The following ATP6V0A2 variants were observed in gnomAD, a reference collection of about 807,000 sequenced individuals.
The protein encoded by ATP6V0A2 is ATPase H+ transporting V0 subunit a2.
ATP6V0A2 carries 58 observed loss-of-function variants against 104.4 expected under a neutral mutation model. That is an observed-to-expected ratio of 0.56 (90% CI 0.45 to 0.69). The LOEUF (loss-of-function observed/expected upper bound fraction) is 0.69, where lower values mean the gene tolerates loss of function less well. ATP6V0A2 is among the 30% of genes least tolerant of loss of function. The pLI, the probability that ATP6V0A2 is intolerant of heterozygous loss-of-function variation, is 0.00. For synonymous variants in ATP6V0A2, 376 were observed against 397.9 expected (o/e 0.95, Z 0.65); for missense variants, 938 against 1,062.9 (o/e 0.88, Z 1.63).
At position 123,755,603 on chromosome 12, in the gene ATP6V0A2, C is replaced by CTCTG. The variant is rs1281210256; in HGVS notation, c.2293+1067_2293+1070dup. On this transcript the variant is annotated intron_variant, in intron 18 of 19. Coordinates refer to ENST00000330342, the MANE Select transcript of ATP6V0A2 (RefSeq NM_012463.4). Reference sequence around the variant, plus strand: ...TGGCAAGTATTAGGAAAGATGCTTGCTCTGCATCAGGTCACCCAGCTTGCC... The same window carrying CTCTG: ...TGGCAAGTATTAGGAAAGATGCTTGCTCTGTCTGCATCAGGTCACCCAGCTTGCC... Among the ~76,000 whole-genome samples the CTCTG allele has an allele frequency of 3.4e-5, 5 of 149,220 alleles. No homozygotes were observed. The East Asian group carries it at 9.8e-4, about 29-fold the overall frequency.
At chr12:123,754,009 A>T in intron 17 of ATP6V0A2, 1 of 229,862 alleles carries the variant, frequency 4.4e-6, no homozygotes, top group Non-Finnish European at 8.5e-6. Flanking sequence ...TAGAATGCTC[A>T]CATCTAGTGA....
intron 17 of ATP6V0A2, 108 bp downstream of exon 17, chr12:123,752,510 T>C: frequency 7.2e-7 from 1 of 1,386,816 alleles, no homozygotes; most frequent in Non-Finnish European, 1.0e-6. Context: ...GTTAAGAAAA[T>C]GGGACTTCCA....
intron 1 of ATP6V0A2, among the ~76,000 whole-genome samples, chr12:123,713,440 C>T (rs1956311284): frequency 6.6e-6 from 1 of 152,136 alleles, no homozygotes; most frequent in Non-Finnish European, 1.5e-5. Flanking sequence ...TATTGTTTGT[C>T]TCCACCAAGG....
chr12:123,713,730 GTACT>G (rs61656628), intron 1 of ATP6V0A2, among the ~76,000 whole-genome samples: 2,637 of 152,234 alleles, frequency 0.017, 30 homozygotes, highest in South Asian at 0.032. Flanking sequence ...CGTGAAGCAA[GTACT>G]TACTGACTGA....
intron 9 of ATP6V0A2, among the ~76,000 whole-genome samples, chr12:123,739,330 C>T (rs1011799401): frequency 2.0e-5 from 3 of 152,186 alleles, no homozygotes; most frequent in Admixed American, 2.0e-4. Flanking sequence ...CCTCATCTGT[C>T]CTGTCCTGTG....
At chr12:123,728,660 C>T (rs1956470849) in intron 6 of ATP6V0A2, among the ~76,000 whole-genome samples, 1 of 152,220 alleles carries the variant, frequency 6.6e-6, no homozygotes, top group Admixed American at 6.5e-5. Flanking sequence ...TTGGGTTTCT[C>T]AGGTATCTTC....
chr12:123,746,584 G>T (rs979717042), intron 13 of ATP6V0A2, among the ~76,000 whole-genome samples: 13 of 145,846 alleles, frequency 8.9e-5, no homozygotes, highest in African/African-American at 1.3e-4. Context: ...GCTGCAGTGA[G>T]CCCTGATTGC....
chr12:123,746,639 TAAAAAAAAAA>T (rs760374381), intron 13 of ATP6V0A2, among the ~76,000 whole-genome samples: 1 of 83,604 alleles, frequency 1.2e-5, no homozygotes, highest in Admixed American at 1.4e-4. Flanking sequence ...CCCCTTACCT[TAAAAAAAAAA>T]AAAAAAAAAA....
chr12:123,754,626 A>T, intron 18 of ATP6V0A2, 89 bp downstream of exon 18: 1 of 918,196 alleles, frequency 1.1e-6, no homozygotes, highest in Non-Finnish European at 1.8e-6. Flanking sequence ...CTTTGTAACT[A>T]ATAGTCATAG....
chr12:123,730,221 A>AT (rs1361808203), intron 6 of ATP6V0A2, among the ~76,000 whole-genome samples: 1 of 150,980 alleles, frequency 6.6e-6, no homozygotes, highest in Non-Finnish European at 1.5e-5. Flanking sequence ...CTCCCGGCTA[A>AT]TTTTTTGTAT....
At chr12:123,742,826 A>C (rs1431657781) in intron 9 of ATP6V0A2, among the ~76,000 whole-genome samples, 1 of 150,960 alleles carries the variant, frequency 6.6e-6, no homozygotes, top group South Asian at 2.1e-4. Context: ...ACAGAGCGAG[A>C]CTCCTTCTTT....
At chr12:123,736,680 C>T (rs1956557262) in intron 8 of ATP6V0A2, among the ~76,000 whole-genome samples, 1 of 152,120 alleles carries the variant, frequency 6.6e-6, no homozygotes, top group Non-Finnish European at 1.5e-5. Context: ...GTTGGTGGCT[C>T]ACAGGGTTGA....
chr12:123,750,543 G>A (rs529517924), intron 15 of ATP6V0A2: 7 of 188,984 alleles, frequency 3.7e-5, no homozygotes, highest in African/African-American at 1.7e-4. Flanking sequence ...CAAACCCTGG[G>A]AAGCCATGCA....
Position 123,727,798 on chromosome 12 carries a change from A to G in ATP6V0A2, c.537A>G (p.Leu179=), listed in dbSNP as rs1956462458. 1 of 1,614,032 alleles carries G rather than the reference A, an allele frequency of 6.2e-7. No homozygotes were observed. ...TGTCTCACAGATTTGTGTCTGGCCT[A>G]ATTAACCAAGGAAAAGTGGAAGCAT... The part of the protein sequence containing the change: ...LGAKLGFVSG[L]INQGKVEAFE... Residue 179 remains leucine (L), a synonymous_variant, in exon 6 of 20, where the codon CTA becomes CTG. Transcript: ENST00000330342.
intron 9 of ATP6V0A2, among the ~76,000 whole-genome samples, chr12:123,741,623 A>C (rs1956610147): frequency 6.6e-6 from 1 of 151,806 alleles, no homozygotes; most frequent in African/African-American, 2.4e-5. Flanking sequence ...TTATTTATTT[A>C]GTTAGTTATT....
At chr12:123,726,919 G>A (rs1956453412) in intron 5 of ATP6V0A2, among the ~76,000 whole-genome samples, 1 of 152,200 alleles carries the variant, frequency 6.6e-6, no homozygotes, top group Admixed American at 6.5e-5. Context: ...TTTTTTGACT[G>A]TGCCAGGAAT....
chr12:123,746,191 GT>G (rs996707231), intron 13 of ATP6V0A2, among the ~76,000 whole-genome samples: 4 of 147,176 alleles, frequency 2.7e-5, no homozygotes, highest in African/African-American at 5.0e-5. Flanking sequence ...GTTTGAGTGA[GT>G]TTTTTTTTTG....
intron 6 of ATP6V0A2, chr12:123,731,742 G>A (rs1050015901): frequency 6.6e-6 from 1 of 152,146 alleles, no homozygotes; most frequent in African/African-American, 2.4e-5. Flanking sequence ...TCCTCAGTGT[G>A]TCTAGTGGGT....
Position 123,751,128 on chromosome 12 carries a change from C to T in ATP6V0A2, c.1954C>T (p.Leu652=), listed in dbSNP as rs1231567469. 1.2e-6 allele frequency: 2 copies of T among 1,614,180 alleles called. No individual in the cohort carries two copies. The highest frequency in any genetic ancestry group is 4.5e-5 in the East Asian group (2 of 44,874). ...CTAACAGGAGTATGTCCAGAGAGTG[C>T]TGCTGGTTGTCACAGCATTGTCTGT... is the stretch of plus-strand genomic sequence containing the variant. ...YTGQEYVQRV[L]LVVTALSVPV... is the part of the protein sequence containing the mutation. The change falls in exon 16 of 20, where the codon CTG becomes TTG. Residue 652 remains leucine, a synonymous_variant. Transcript: ENST00000330342.
Sources: gnomAD v4.1 joint callset for allele counts (sites outside exome capture counted in the v4.1 genomes callset) on GRCh38, gnomAD v4.1.1 for gene constraint, MANE v1.5 for transcripts, NCBI Gene and HGNC (gene_info 2026-07-23, HGNC 2026-07-21) for gene names.